Variants in PAK5 observed in about 807,000 individuals in gnomAD.
PAK5 encodes the protein p21 (RAC1) activated kinase 5, also known as serine/threonine-protein kinase PAK 5.
PAK5 carries 16 observed loss-of-function variants against 65.9 expected under a neutral mutation model. The observed-to-expected ratio is 0.24, with a 90% CI of 0.16 to 0.37. PAK5 has a LOEUF of 0.37. Among genes scored for constraint, PAK5 ranks in the 10% least tolerant of loss-of-function variants. PAK5 has a pLI of 1.00. For synonymous variants in PAK5, 371 were observed against 354.9 expected, an observed-to-expected ratio of 1.05 and a Z score of -0.51; for missense variants, 785 against 903.9, an observed-to-expected ratio of 0.87 and a Z score of 1.69.
chr20:9,670,574 T>C (rs1363175682), intron 2 of PAK5, among the ~76,000 whole-genome samples: 2 of 152,240 alleles, frequency 1.3e-5, no homozygotes, highest in Admixed American at 6.5e-5. Context: ...TGTCTTCTTT[T>C]GAGAAGTGTC....
intron 3 of PAK5, among the ~76,000 whole-genome samples, chr20:9,594,664 A>T (rs917901345): frequency 1.3e-5 from 2 of 152,232 alleles, no homozygotes; most frequent in African/African-American, 2.4e-5. Flanking sequence ...GACAACTCTG[A>T]TATGGGAGTC....
intron 2 of PAK5, among the ~76,000 whole-genome samples, chr20:9,678,614 A>C (rs916733170): frequency 3.9e-5 from 6 of 152,130 alleles, no homozygotes; most frequent in Admixed American, 6.6e-5. Context: ...GTAGTTTATA[A>C]AGAAAAGAGG....
At chr20:9,588,671 T>C (rs1160201428) in intron 3 of PAK5, among the ~76,000 whole-genome samples, 1 of 152,210 alleles carries the variant, frequency 6.6e-6, no homozygotes, top group Non-Finnish European at 1.5e-5. Flanking sequence ...CCACTAATTA[T>C]TATTGTCCGT....
chr20:9,580,235 T>C lies in PAK5; in HGVS notation c.900A>G (p.Gly300=). The change falls in exon 4 of 10, where the codon GGA becomes GGG. Residue 300 remains glycine (G), a synonymous_variant. Coordinates refer to ENST00000353224, the MANE Select transcript of PAK5 (RefSeq NM_177990.4). The part of the protein sequence containing the change: ...SGLQEPMMPF[G]ASAFKTHPQG... ...GGGGATGGGTTTTAAATGCACTTGC[T>C]CCAAATGGCATCATCGGTTCCTGGA... The C allele has an allele frequency of 6.2e-7, 1 of 1,614,114 alleles. No individual in the cohort carries two copies. Among genetic ancestry groups the C allele is most frequent in the Non-Finnish European group, 8.5e-7 (1 of 1,180,008 alleles).
intron 1 of PAK5, among the ~76,000 whole-genome samples, chr20:9,815,123 A>T (rs1316646361): frequency 7.2e-5 from 11 of 152,090 alleles, no homozygotes; most frequent in Non-Finnish European, 1.0e-4. Flanking sequence ...TAAGAGTGAG[A>T]ATTCACTCTC....
At chr20:9,639,524 A>T (rs2047024112) in intron 3 of PAK5, among the ~76,000 whole-genome samples, 1 of 151,910 alleles carries the variant, frequency 6.6e-6, no homozygotes, top group Non-Finnish European at 1.5e-5. Flanking sequence ...GTCTGTTTTT[A>T]TTTTATTTTT....
rs140876495 is a variant in PAK5, at chr20:9,645,088, A to G, written c.-11-749T>C. ...GCACTTGGAAAAACATCTGTCACAAAGTAATTACTTCAAGTATTAATTATA... is the reference window on the plus strand; with the variant it reads ...GCACTTGGAAAAACATCTGTCACAAGGTAATTACTTCAAGTATTAATTATA... On this transcript the variant is annotated intron_variant, in intron 2 of 9. Transcript: ENST00000353224. 1.0e-3 allele frequency among the ~76,000 whole-genome samples: 154 copies of G among 152,354 alleles called. 1 individual carries two copies. The highest frequency in any genetic ancestry group is 3.5e-3 in the African/African-American group (147 of 41,574).
At chr20:9,551,750 G>C (rs773239366) in intron 7 of PAK5, among the ~76,000 whole-genome samples, 1 of 152,180 alleles carries the variant, frequency 6.6e-6, no homozygotes, top group Non-Finnish European at 1.5e-5. Flanking sequence ...CCTCACCTGA[G>C]AGCCTGTTAG....
intron 2 of PAK5, among the ~76,000 whole-genome samples, chr20:9,648,547 A>T (rs1206111127): frequency 6.6e-6 from 1 of 152,086 alleles, no homozygotes; most frequent in African/African-American, 2.4e-5. Flanking sequence ...AACTTGCTAA[A>T]ATCCAAGTTC....
chr20:9,585,455 T>C (rs184750153), intron 3 of PAK5, among the ~76,000 whole-genome samples: 2 of 152,368 alleles, frequency 1.3e-5, no homozygotes, highest in East Asian at 1.9e-4. Flanking sequence ...CAGTAAGCAA[T>C]GCAACGTTGG....
At chr20:9,780,439 T>G (rs1290603787) in intron 1 of PAK5, among the ~76,000 whole-genome samples, 2 of 152,122 alleles carry the variant, frequency 1.3e-5, no homozygotes, top group Non-Finnish European at 2.9e-5. Context: ...CATATTTTCT[T>G]AATCAAAAGC....
chr20:9,590,684 T>A (rs1177468451), intron 3 of PAK5, among the ~76,000 whole-genome samples: 1 of 149,624 alleles, frequency 6.7e-6, no homozygotes, highest in Non-Finnish European at 1.5e-5. Flanking sequence ...AGGGAGGGAG[T>A]CATATGGCAC....
chr20:9,798,887 A>T (rs974959538), intron 1 of PAK5, among the ~76,000 whole-genome samples: 1 of 152,136 alleles, frequency 6.6e-6, no homozygotes, highest in Non-Finnish European at 1.5e-5. Flanking sequence ...ATCTACTAAT[A>T]TCAGAATACC....
chr20:9,587,318 T>A (rs1010418699), intron 3 of PAK5, among the ~76,000 whole-genome samples: 1 of 152,156 alleles, frequency 6.6e-6, no homozygotes, highest in African/African-American at 2.4e-5. Flanking sequence ...AAATACATAT[T>A]TCTTGAATTT....
Position 9,538,038 on chromosome 20 carries a change from C to T in PAK5, c.*1424G>A, listed in dbSNP as rs182974050. ...GTTTTCCCAGTTTGGTAACAAATGG[C>T]TTTTGTCTGATGCATAATTAATAGA... On this transcript the variant is annotated 3_prime_UTR_variant, in exon 10 of 10. Coordinates refer to ENST00000353224, the MANE Select transcript of PAK5 (RefSeq NM_177990.4). 6.9e-5 allele frequency: 16 copies of T among 232,728 alleles called. No individual in the cohort carries two copies. In the East Asian group the frequency reaches 9.2e-4, roughly 13 times the overall value. The allele number at this position is 232,728 out of a possible 1,614,324, so 14.4% of individuals were successfully genotyped here. A position where few individuals can be genotyped will look rare whatever the true frequency, so the allele number is the denominator to read the frequency against.
intron 2 of PAK5, among the ~76,000 whole-genome samples, chr20:9,647,110 T>A (rs1023814069): frequency 6.6e-6 from 1 of 152,224 alleles, no homozygotes; most frequent in African/African-American, 2.4e-5. Context: ...AGGTTTCTAT[T>A]TTAGCTGCTT....
At position 9,747,679 on chromosome 20, in the gene PAK5, C is replaced by T. The variant is rs1421890725; in HGVS notation, c.-161-36244G>A. Among the ~76,000 whole-genome samples the T allele has an allele frequency of 5.3e-3, 803 of 152,024 alleles. 4 individuals are homozygous for T. Among genetic ancestry groups the T allele is most frequent in the Middle Eastern group, 0.027 (8 of 294 alleles). On this transcript the variant is annotated intron_variant, in intron 1 of 9. Transcript: ENST00000353224. ...CTCAATAAATTAGGTATTGATGGGACGTATTTCAAAATAATAAGAGCTATC... is the reference window on the plus strand; with the variant it reads ...CTCAATAAATTAGGTATTGATGGGATGTATTTCAAAATAATAAGAGCTATC...
In PAK5 at chr20:9,650,983, G is replaced by A. The variant is rs1454179000; in HGVS notation, c.-11-6644C>T. Among the ~76,000 whole-genome samples the A allele has an allele frequency of 2.0e-5, 3 of 152,194 alleles. No individual in the cohort carries two copies. The East Asian group carries it at 5.8e-4, about 29-fold the overall frequency. On this transcript the variant is annotated intron_variant, in intron 2 of 9. Transcript: ENST00000353224. ...CAAAAAAGCAAGATGGGCATTCTGT[G>A]AAATTACTTTCTTTACAAAATTATC...
chr20:9,649,069 C>T (rs921630544), intron 2 of PAK5, among the ~76,000 whole-genome samples: 1 of 152,124 alleles, frequency 6.6e-6, no homozygotes, highest in South Asian at 2.1e-4. Flanking sequence ...TGTTTCAGTA[C>T]AGAAAGTTAC....
Sources: allele counts gnomAD v4.1 joint callset (sites outside exome capture counted in the v4.1 genomes callset), GRCh38; gene constraint gnomAD v4.1.1; transcripts MANE v1.5; gene names NCBI Gene and HGNC (gene_info 2026-07-23, HGNC 2026-07-21).